DPP10: variants seen among roughly 807,000 people sequenced by gnomAD.
DPP10 encodes dipeptidyl peptidase like 10, also known as inactive dipeptidyl peptidase 10.
In DPP10, 33 loss-of-function variants were observed where a neutral mutation model predicts 120.9. The observed-to-expected ratio is 0.27, with a 90% CI of 0.21 to 0.37. The LOEUF (loss-of-function observed/expected upper bound fraction) is 0.37. Ranked by LOEUF, DPP10 falls within the 10% of genes least tolerant of loss-of-function variation. The probability of loss-of-function intolerance (pLI) is 1.00; values close to 1 mark genes in which losing one functional copy is unlikely to be tolerated. For missense variants in DPP10, 816 were observed against 942.8 expected, an observed-to-expected ratio of 0.87 and a Z score of 1.76; for synonymous variants, 337 against 326.1, an observed-to-expected ratio of 1.03 and a Z score of -0.36.
intron 1 of DPP10, among the ~76,000 whole-genome samples, chr2:114,995,143 A>T (rs1700997097): frequency 6.6e-6 from 1 of 152,218 alleles, no homozygotes. Flanking sequence ...ACCTGCCCAG[A>T]GGAGCCTGCT....
At chr2:115,135,342 G>C (rs1276567283) in intron 1 of DPP10, among the ~76,000 whole-genome samples, 1 of 151,682 alleles carries the variant, frequency 6.6e-6, no homozygotes, top group Non-Finnish European at 1.5e-5. Context: ...TGTGCATCCT[G>C]CCTCAATTCC....
chr2:115,422,249 A>G (rs1379460298), intron 3 of DPP10, among the ~76,000 whole-genome samples: 1 of 152,218 alleles, frequency 6.6e-6, no homozygotes, highest in African/African-American at 2.4e-5. Context: ...TTATACCGAT[A>G]TTTATAGCAA....
intron 1 of DPP10, among the ~76,000 whole-genome samples, chr2:115,034,979 G>C (rs1017578387): frequency 2.0e-5 from 3 of 152,194 alleles, no homozygotes; most frequent in African/African-American, 4.8e-5. Context: ...TCTGTGATAA[G>C]TTCATGTAAT....
At chr2:114,600,842 G>T (rs1692301955) in intron 1 of DPP10, among the ~76,000 whole-genome samples, 1 of 151,840 alleles carries the variant, frequency 6.6e-6, no homozygotes, top group African/African-American at 2.4e-5. Context: ...AACTGAGAGT[G>T]ATAGGTTAAA....
At chr2:115,392,708 GTGTC>G (rs1238638644) in intron 3 of DPP10, among the ~76,000 whole-genome samples, 5 of 152,030 alleles carry the variant, frequency 3.3e-5, no homozygotes, top group Admixed American at 6.6e-5. Context: ...TTTAATTTCA[GTGTC>G]TGTGATTTAA....
intron 5 of DPP10, among the ~76,000 whole-genome samples, chr2:115,664,986 G>A (rs1457398864): frequency 1.3e-5 from 2 of 152,186 alleles, no homozygotes; most frequent in East Asian, 3.9e-4. Flanking sequence ...TACGATATAG[G>A]GCAGCACACA....
chr2:115,457,679 T>A (rs893349137), intron 3 of DPP10, among the ~76,000 whole-genome samples: 2 of 100,904 alleles, frequency 2.0e-5, no homozygotes, highest in African/African-American at 6.0e-5. Context: ...ACGGCAACAT[T>A]GGCAAAATGC....
At chr2:114,923,794 T>C (rs1215055776) in intron 1 of DPP10, among the ~76,000 whole-genome samples, 1 of 152,204 alleles carries the variant, frequency 6.6e-6, no homozygotes. Context: ...GTGTACTCAA[T>C]AGCAAAATTT....
At chr2:115,298,743 G>A (rs1398875846) in intron 1 of DPP10, among the ~76,000 whole-genome samples, 4 of 152,062 alleles carry the variant, frequency 2.6e-5, no homozygotes, top group Admixed American at 1.3e-4. Flanking sequence ...TGGAGATTCA[G>A]AAGGGCTGTG....
intron 10 of DPP10, chr2:115,750,085 T>G (rs918777457): frequency 3.0e-6 from 3 of 985,264 alleles, no homozygotes; most frequent in Admixed American, 1.2e-4. Flanking sequence ...AAGGGACACT[T>G]CTGCTGGCCA....
At chr2:114,990,409 A>T (rs1010141442) in intron 1 of DPP10, among the ~76,000 whole-genome samples, 5 of 84,442 alleles carry the variant, frequency 5.9e-5, no homozygotes, top group African/African-American at 2.0e-4. Flanking sequence ...TATCTATCTA[A>T]TCTATCTATC....
chr2:114,926,588 G>A (rs1423681122), intron 1 of DPP10, among the ~76,000 whole-genome samples: 1 of 152,164 alleles, frequency 6.6e-6, no homozygotes, highest in Admixed American at 6.5e-5. Flanking sequence ...ACTGCCTGCT[G>A]TGTTCCCATA....
At chr2:115,319,762 T>C (rs183187347) in intron 2 of DPP10, among the ~76,000 whole-genome samples, 12 of 152,280 alleles carry the variant, frequency 7.9e-5, no homozygotes, top group Non-Finnish European at 1.3e-4. Flanking sequence ...AGATCAAGGT[T>C]CTAGCAGGAC....
chr2:115,396,471 G>A (rs1308547470), intron 3 of DPP10, among the ~76,000 whole-genome samples: 3 of 152,142 alleles, frequency 2.0e-5, no homozygotes, highest in East Asian at 3.9e-4. Flanking sequence ...AGTAACTCAA[G>A]CCATTTCTCC....
At chr2:114,873,318 T>C (rs1690851533) in intron 1 of DPP10, among the ~76,000 whole-genome samples, 2 of 152,104 alleles carry the variant, frequency 1.3e-5, no homozygotes, top group African/African-American at 4.8e-5. Context: ...TGAGGCACAA[T>C]TGCTAAAGAG....
intron 1 of DPP10, among the ~76,000 whole-genome samples, chr2:114,521,869 G>T (rs989639051): frequency 6.8e-6 from 1 of 147,660 alleles, no homozygotes; most frequent in Non-Finnish European, 1.5e-5. Context: ...GTGCAGTGGC[G>T]CAATCTCGGC....
At chr2:114,788,475 G>A (rs190910450) in intron 1 of DPP10, among the ~76,000 whole-genome samples, 120 of 150,452 alleles carry the variant, frequency 8.0e-4, no homozygotes, top group African/African-American at 2.7e-3. Flanking sequence ...GAGTGCAGTG[G>A]CACAATCTCA....
chr2:115,025,649 A>G (rs1357611709), intron 1 of DPP10, among the ~76,000 whole-genome samples: 1 of 152,094 alleles, frequency 6.6e-6, no homozygotes, highest in Non-Finnish European at 1.5e-5. Flanking sequence ...CCCTTCCTCA[A>G]CATCTTTGTC....
At chr2:115,533,999 G>T (rs2078634731) in intron 5 of DPP10, among the ~76,000 whole-genome samples, 1 of 152,024 alleles carries the variant, frequency 6.6e-6, no homozygotes, top group Non-Finnish European at 1.5e-5. Flanking sequence ...GTAAACACAA[G>T]AAATATTTTT....
Sources: gnomAD v4.1 joint callset for allele counts (sites outside exome capture counted in the v4.1 genomes callset) on GRCh38, gnomAD v4.1.1 for gene constraint, MANE v1.5 for transcripts, NCBI Gene and HGNC (gene_info 2026-07-23, HGNC 2026-07-21) for gene names.